The following CFAP47 variants were observed in gnomAD, a reference collection of about 807,000 sequenced individuals.
The protein encoded by CFAP47 is cilia- and flagella-associated protein 47.
In CFAP47, 29 loss-of-function variants were observed where a neutral mutation model predicts 148.1. The ratio of observed to expected loss-of-function variants is 0.20; its 90% CI spans 0.15 to 0.27. CFAP47 has a LOEUF of 0.27. Ranked by LOEUF, CFAP47 falls within the 10% of genes least tolerant of loss-of-function variation. The probability of loss-of-function intolerance (pLI) is 1.00; values close to 1 mark genes in which losing one functional copy is unlikely to be tolerated. For missense variants in CFAP47, 1,872 were observed against 1,697.5 expected (o/e 1.10, Z -1.81); for synonymous variants, 664 against 577.3 (o/e 1.15, Z -2.15).
chrX:36,375,399 T>TA (rs1222049347), intron 62 of CFAP47, among the ~76,000 whole-genome samples: 4 of 112,333 alleles, frequency 3.6e-5, no homozygotes, highest in Admixed American at 9.5e-5. Flanking sequence ...ATACTTGATA[T>TA]AATTTCAATG....
intron 63 of CFAP47, among the ~76,000 whole-genome samples, chrX:36,383,096 A>G (rs1942093073): frequency 9.0e-6 from 1 of 111,644 alleles, no homozygotes; most frequent in Non-Finnish European, 1.9e-5. Context: ...AATGAAGAGT[A>G]TGAACAACTT....
intron 49 of CFAP47, among the ~76,000 whole-genome samples, chrX:36,270,681 C>T (rs2146937442): frequency 9.7e-6 from 1 of 102,860 alleles, no homozygotes; most frequent in African/African-American, 3.5e-5. Context: ...ATATTCTGGA[C>T]ACAAATCCTT....
rs1024476128 is a variant in CFAP47 at position 36,204,946 on chromosome X, T to G, written c.6664-11T>G. The G allele has an allele frequency of 2.7e-5, 8 of 295,744 alleles. No homozygotes were observed. Among genetic ancestry groups the G allele is most frequent in the Non-Finnish European group, 4.7e-5 (8 of 169,641 alleles). The allele number at this position is 295,744 out of a possible 1,213,427, so 24.4% of individuals were successfully genotyped here. On this transcript the variant is annotated splice_polypyrimidine_tract_variant and intron_variant, in intron 44 of 63. Coordinates refer to ENST00000378653, the MANE Select transcript of CFAP47 (RefSeq NM_001304548.2). ...AGAAAATTACATTCTAATTTTACTGTTTGTTCACAGACTCTTATGCTCTTT... is the reference window on the plus strand; with the variant it reads ...AGAAAATTACATTCTAATTTTACTGGTTGTTCACAGACTCTTATGCTCTTT...
chrX:36,149,584 TTTTATTTATTTA>T (rs914889057), intron 37 of CFAP47, among the ~76,000 whole-genome samples: 8 of 99,860 alleles, frequency 8.0e-5, no homozygotes, highest in Non-Finnish European at 1.4e-4. Flanking sequence ...GATATATATA[TTTTATTTATTTA>T]TTTATTTATT....
intron 61 of CFAP47, among the ~76,000 whole-genome samples, chrX:36,361,894 C>T (rs1303471611): frequency 8.9e-6 from 1 of 112,244 alleles, no homozygotes; most frequent in East Asian, 2.8e-4. Context: ...TTTTACATTG[C>T]AACTGCTTTC....
chrX:36,330,966 AAT>A (rs1232114018), intron 57 of CFAP47, among the ~76,000 whole-genome samples: 97 of 111,495 alleles, frequency 8.7e-4, no homozygotes, highest in African/African-American at 2.7e-3. Context: ...TTACAATATC[AAT>A]ATATATAAAT....
At chrX:36,254,350 G>A (rs1439199016) in intron 49 of CFAP47, among the ~76,000 whole-genome samples, 1 of 111,602 alleles carries the variant, frequency 9.0e-6, no homozygotes, top group African/African-American at 3.3e-5. Context: ...GGTAGGGAGT[G>A]CAGAGTGACA....
intron 39 of CFAP47, among the ~76,000 whole-genome samples, chrX:36,177,133 C>T (rs897347149): frequency 9.0e-6 from 1 of 111,486 alleles, no homozygotes; most frequent in Non-Finnish European, 1.9e-5. Flanking sequence ...TTATTTTTTT[C>T]TTTTAACAGG....
At chrX:36,345,194 A>G (rs781855197) in intron 57 of CFAP47, among the ~76,000 whole-genome samples, 20 of 111,827 alleles carry the variant, frequency 1.8e-4, no homozygotes, top group Non-Finnish European at 2.3e-4. Context: ...TCGTACAACA[A>G]TGATTCATGA....
intron 8 of CFAP47, among the ~76,000 whole-genome samples, chrX:35,960,205 G>A (rs929901129): frequency 2.8e-5 from 3 of 106,886 alleles, no homozygotes; most frequent in Non-Finnish European, 5.7e-5. Flanking sequence ...CTCCCAAAGT[G>A]CTGGGATTAC....
chrX:36,028,285 G>C (rs1361137791), intron 22 of CFAP47, among the ~76,000 whole-genome samples: 1 of 110,728 alleles, frequency 9.0e-6, no homozygotes, highest in African/African-American at 3.3e-5. Context: ...TATAGATTAT[G>C]GTTTTATATT....
intron 46 of CFAP47, among the ~76,000 whole-genome samples, chrX:36,234,554 G>T (rs190976228): frequency 9.1e-4 from 102 of 111,663 alleles, no homozygotes; most frequent in African/African-American, 3.1e-3. Flanking sequence ...TTTGCCTTTG[G>T]TTTGAATTTC....
At chrX:36,062,499 A>T (rs1047769001) in intron 26 of CFAP47, among the ~76,000 whole-genome samples, 2 of 111,810 alleles carry the variant, frequency 1.8e-5, no homozygotes, top group Non-Finnish European at 3.8e-5. Context: ...GACCAGAGAG[A>T]TGAATTGTGA....
At chrX:36,153,190 A>G (rs1327291851) in intron 37 of CFAP47, among the ~76,000 whole-genome samples, 3 of 112,123 alleles carry the variant, frequency 2.7e-5, no homozygotes. Flanking sequence ...AAATACAATG[A>G]TGGAATAGGC....
intron 27 of CFAP47, among the ~76,000 whole-genome samples, chrX:36,069,628 T>C (rs1234517235): frequency 1.8e-5 from 2 of 111,305 alleles, no homozygotes; most frequent in Non-Finnish European, 3.8e-5. Flanking sequence ...GCTCAGTGCC[T>C]TATATTTGTC....
intron 25 of CFAP47, among the ~76,000 whole-genome samples, chrX:36,041,579 A>G (rs573345446): frequency 9.0e-6 from 1 of 111,503 alleles, no homozygotes; most frequent in East Asian, 2.8e-4. Flanking sequence ...AGAAATTTCT[A>G]TTATGAAGTC....
intron 39 of CFAP47, among the ~76,000 whole-genome samples, chrX:36,171,042 G>A (rs1433679278): frequency 9.0e-6 from 1 of 111,086 alleles, no homozygotes; most frequent in Non-Finnish European, 1.9e-5. Context: ...TTTCTCTGAT[G>A]GCCAGTGATG....
At chrX:36,112,475 A>G (rs755173497) in intron 33 of CFAP47, among the ~76,000 whole-genome samples, 16 of 111,671 alleles carry the variant, frequency 1.4e-4, no homozygotes, top group African/African-American at 5.2e-4. Flanking sequence ...AGTGGTTGTT[A>G]TGATTTCAGC....
In CFAP47 at chrX:35,924,270, T is replaced by C. The variant is rs750583336; in HGVS notation, c.250-1747T>C. On this transcript the variant is annotated intron_variant, in intron 1 of 63. Transcript: ENST00000378653. ...GTGCATATGGACATGTATGTGTACA[T>C]GTATGTGTATATGTACATGTATGTG... Among the ~76,000 whole-genome samples, 18 of 103,723 alleles carry C rather than the reference T, an allele frequency of 1.7e-4. 1 individual carries two copies. The highest frequency in any genetic ancestry group is 5.9e-4 in the African/African-American group (15 of 25,630). 90.1% of individuals were successfully genotyped at this position (103,723 alleles called of 115,157 possible). A position where few individuals can be genotyped will look rare whatever the true frequency, so the allele number is the denominator to read the frequency against.
Sources: gnomAD v4.1 joint callset for allele counts (sites outside exome capture counted in the v4.1 genomes callset) on GRCh38, gnomAD v4.1.1 for gene constraint, MANE v1.5 for transcripts, NCBI Gene and HGNC (gene_info 2026-07-23, HGNC 2026-07-21) for gene names.